MSRA: variants seen among roughly 807,000 people sequenced by gnomAD.
MSRA encodes mitochondrial peptide methionine sulfoxide reductase.
In MSRA, 54 loss-of-function variants were observed where a neutral mutation model predicts 31.3. The ratio of observed to expected loss-of-function variants is 1.73; its 90% CI spans 1.39 to 2.17. The LOEUF (loss-of-function observed/expected upper bound fraction) is 2.17, where lower values mean the gene tolerates loss of function less well. MSRA is among the 30% of genes most tolerant of loss of function. The pLI is 0.00. For synonymous variants in MSRA, 169 were observed against 116.5 expected (o/e 1.45, Z -2.90); for missense variants, 507 against 300.9 (o/e 1.69, Z -5.07).
intron 5 of MSRA, chr8:10,326,444 A>G (rs1395695732): frequency 1.3e-5 from 2 of 152,216 alleles, no homozygotes; most frequent in Admixed American, 6.5e-5. Flanking sequence ...TGGCTGAAGA[A>G]GTTTGCTCAT....
At chr8:10,287,564 T>C (rs1800001644) in intron 3 of MSRA, among the ~76,000 whole-genome samples, 1 of 152,154 alleles carries the variant, frequency 6.6e-6, no homozygotes, top group African/African-American at 2.4e-5. Context: ...GCCTCTGGTG[T>C]TTGTTACTGA....
chr8:10,215,965 ATTAC>A (rs1261292208), intron 2 of MSRA, among the ~76,000 whole-genome samples: 1 of 152,230 alleles, frequency 6.6e-6, no homozygotes, highest in African/African-American at 2.4e-5. Flanking sequence ...AATATTTTCT[ATTAC>A]TTCTCTGTTA....
chr8:10,279,247 A>G (rs1799489315), intron 3 of MSRA, among the ~76,000 whole-genome samples: 1 of 152,188 alleles, frequency 6.6e-6, no homozygotes, highest in Non-Finnish European at 1.5e-5. Flanking sequence ...CCATGTAGCC[A>G]CTCAGCATAA....
At chr8:10,405,300 A>G (rs1454948069) in intron 5 of MSRA, among the ~76,000 whole-genome samples, 2 of 152,034 alleles carry the variant, frequency 1.3e-5, no homozygotes, top group Admixed American at 6.5e-5. Context: ...TCGGCCACCC[A>G]TCGCCCTGCC....
Position 10,207,817 on chromosome 8 carries a change from T to C in MSRA, c.143-16T>C, listed in dbSNP as rs1809127933. The C allele has an allele frequency of 1.2e-5, 16 of 1,341,826 alleles. No individual in the cohort carries two copies. The highest frequency in any genetic ancestry group is 1.6e-5 in the Non-Finnish European group (16 of 988,412). The allele number at this position is 1,341,826 out of a possible 1,614,324, so 83.1% of individuals were successfully genotyped here. On this transcript the variant is annotated splice_polypyrimidine_tract_variant and intron_variant, in intron 1 of 5. Transcript: ENST00000317173. ...ACTTTACACTTAAACTTGCATTTCT[T>C]TTTTTTTTTTTCTAGCCAAACATCA...
intron 1 of MSRA, among the ~76,000 whole-genome samples, chr8:10,073,430 C>G (rs533718517): frequency 6.6e-6 from 1 of 152,118 alleles, no homozygotes; most frequent in Non-Finnish European, 1.5e-5. Context: ...ACACCAGAAT[C>G]GAGTAGTTGT....
In MSRA at chr8:10,203,083, C is replaced by T. The variant is rs555312133; in HGVS notation, c.143-4750C>T. Among the ~76,000 whole-genome samples the T allele has an allele frequency of 2.2e-4, 33 of 152,194 alleles. 1 individual carries two copies. The South Asian group carries it at 6.0e-3, about 28-fold the overall frequency. ...AAGGTGCAAAATCACGTTTTAAGAA[C>T]CTGTTATCTTTGGGCTTCAGGCTCT... On this transcript the variant is annotated intron_variant, in intron 1 of 5. Coordinates refer to ENST00000317173, the MANE Select transcript of MSRA (RefSeq NM_012331.5).
chr8:10,143,441 C>T (rs1008397713), intron 1 of MSRA, among the ~76,000 whole-genome samples: 2 of 152,142 alleles, frequency 1.3e-5, no homozygotes, highest in Non-Finnish European at 2.9e-5. Flanking sequence ...CTATGGTAAC[C>T]TGCTTTAGTG....
At chr8:10,409,001 C>T (rs1807993532) in intron 5 of MSRA, among the ~76,000 whole-genome samples, 1 of 152,196 alleles carries the variant, frequency 6.6e-6, no homozygotes, top group Non-Finnish European at 1.5e-5. Context: ...CATATCCTTG[C>T]TGCAGTGTGT....
chr8:10,153,138 C>T (rs781650550), intron 1 of MSRA, among the ~76,000 whole-genome samples: 4 of 152,020 alleles, frequency 2.6e-5, no homozygotes. Flanking sequence ...GAAATGGTTA[C>T]GATGGTAAAT....
chr8:10,244,413 A>G (rs1797504301), intron 2 of MSRA, among the ~76,000 whole-genome samples: 1 of 152,204 alleles, frequency 6.6e-6, no homozygotes, highest in South Asian at 2.1e-4. Context: ...GGCCACTGGT[A>G]TACACACAAT....
At chr8:10,238,455 G>A (rs1812135825) in intron 2 of MSRA, among the ~76,000 whole-genome samples, 1 of 152,074 alleles carries the variant, frequency 6.6e-6, no homozygotes, top group Non-Finnish European at 1.5e-5. Flanking sequence ...GATCTTGTTT[G>A]CTTTGTTCAC....
chr8:10,059,994 C>T (rs1802618146), intron 1 of MSRA, among the ~76,000 whole-genome samples: 1 of 152,212 alleles, frequency 6.6e-6, no homozygotes, highest in Non-Finnish European at 1.5e-5. Flanking sequence ...AAAATACACT[C>T]TTGTACATGG....
In MSRA at chr8:10,054,332, C is replaced by A. The variant is rs1802157334; in HGVS notation, c.-185C>A. On this transcript the variant is annotated 5_prime_UTR_variant, in exon 1 of 6. Coordinates refer to ENST00000317173, the MANE Select transcript of MSRA (RefSeq NM_012331.5). ...ACGCCCCCGGTGACAGCCGGTACGGCCCCGGGTTTGGGCAACCTCGATTAC... is the reference window on the plus strand; with the variant it reads ...ACGCCCCCGGTGACAGCCGGTACGGACCCGGGTTTGGGCAACCTCGATTAC... The A allele has an allele frequency of 4.3e-6, 2 of 459,830 alleles. No homozygotes were observed. The highest frequency in any genetic ancestry group is 6.9e-6 in the Non-Finnish European group (2 of 289,810). 28.5% of individuals were successfully genotyped at this position (459,830 alleles called of 1,614,324 possible).
At chr8:10,419,269 C>T (rs1212765561) in intron 5 of MSRA, among the ~76,000 whole-genome samples, 1 of 152,194 alleles carries the variant, frequency 6.6e-6, no homozygotes, top group Non-Finnish European at 1.5e-5. Flanking sequence ...GCCCCAAATT[C>T]CGGGAACAGC....
At chr8:10,379,402 C>T (rs1053443819) in intron 5 of MSRA, among the ~76,000 whole-genome samples, 59 of 152,338 alleles carry the variant, frequency 3.9e-4, no homozygotes, top group African/African-American at 1.3e-3. Flanking sequence ...GTTCTGAACC[C>T]GAGTCTTTTC....
chr8:10,161,560 C>G (rs1162442956), intron 1 of MSRA, among the ~76,000 whole-genome samples: 1 of 152,178 alleles, frequency 6.6e-6, no homozygotes, highest in Non-Finnish European at 1.5e-5. Context: ...GCTTTGGTCT[C>G]TTAGGAGAGC....
chr8:10,335,551 G>T (rs1395987152), intron 5 of MSRA, among the ~76,000 whole-genome samples: 1 of 152,190 alleles, frequency 6.6e-6, no homozygotes, highest in African/African-American at 2.4e-5. Flanking sequence ...TGACCCCGTG[G>T]CCTAGTGAAC....
At chr8:10,352,202 G>A (rs532577023) in intron 5 of MSRA, among the ~76,000 whole-genome samples, 1 of 152,286 alleles carries the variant, frequency 6.6e-6, no homozygotes, top group Non-Finnish European at 1.5e-5. Flanking sequence ...AGAAGGAGAT[G>A]TTGTAGGGTT....
Sources: gnomAD v4.1 joint callset for allele counts (sites outside exome capture counted in the v4.1 genomes callset) on GRCh38, gnomAD v4.1.1 for gene constraint, MANE v1.5 for transcripts, NCBI Gene and HGNC (gene_info 2026-07-23, HGNC 2026-07-21) for gene names.